The following TJP2 variants were observed in gnomAD, a reference collection of about 807,000 sequenced individuals.
TJP2 encodes the protein Friedreich ataxia region gene X104 (tight junction protein ZO-2).
TJP2 carries 91 observed loss-of-function variants against 133.1 expected under a neutral mutation model. The ratio of observed to expected loss-of-function variants is 0.68; its 90% confidence interval spans 0.58 to 0.81. TJP2 has a LOEUF of 0.81. Among genes scored for constraint, TJP2 ranks in the 40% least tolerant of loss-of-function variants. The pLI is 0.00. For missense variants in TJP2, 1,541 were observed against 1,565.6 expected (o/e 0.98, Z 0.26); for synonymous variants, 592 against 583.4 (o/e 1.01, Z -0.21).
At chr9:69,135,870 T>C (rs1254213355) in intron 1 of TJP2, among the ~76,000 whole-genome samples, 1 of 152,184 alleles carries the variant, frequency 6.6e-6, no homozygotes, top group Non-Finnish European at 1.5e-5. Context: ...CCTCCCGAAG[T>C]GCTGAGATTA....
At chr9:69,200,873 G>A (rs1826937037) in intron 1 of TJP2, among the ~76,000 whole-genome samples, 1 of 152,090 alleles carries the variant, frequency 6.6e-6, no homozygotes, top group African/African-American at 2.4e-5. Flanking sequence ...ATTCTTCCCA[G>A]TCTGCCATCC....
intron 1 of TJP2, among the ~76,000 whole-genome samples, chr9:69,137,888 C>T (rs1242499960): frequency 1.3e-5 from 2 of 152,178 alleles, no homozygotes; most frequent in South Asian, 2.1e-4. Context: ...CATTTCCTCT[C>T]TCCAGAAGAC....
intron 1 of TJP2, chr9:69,205,444 C>G (rs1440318171): frequency 1.0e-6 from 1 of 1,004,238 alleles, no homozygotes; most frequent in African/African-American, 1.6e-5. Context: ...CTATGTGAAA[C>G]TGATAGCCTC....
At chr9:69,205,867 A>G (rs1827360164) in intron 1 of TJP2, among the ~76,000 whole-genome samples, 1 of 152,184 alleles carries the variant, frequency 6.6e-6, no homozygotes, top group Non-Finnish European at 1.5e-5. Context: ...TGGGCAGTGA[A>G]CACTTCGGTA....
chr9:69,179,469 C>T (rs1230436514), intron 1 of TJP2, among the ~76,000 whole-genome samples: 1 of 151,706 alleles, frequency 6.6e-6, no homozygotes, highest in Non-Finnish European at 1.5e-5. Context: ...GGTGCAGTAA[C>T]AGCGGTGGTG....
At chr9:69,167,865 C>CAAAA (rs33986127) in intron 2 of TJP2, among the ~76,000 whole-genome samples, 4 of 128,952 alleles carry the variant, frequency 3.1e-5, no homozygotes, top group Non-Finnish European at 1.6e-5. Context: ...GAGAGTCTGT[C>CAAAA]AAAAAAAAAA....
At chr9:69,219,761 A>G (rs1429979216) in intron 4 of TJP2, among the ~76,000 whole-genome samples, 6 of 152,196 alleles carry the variant, frequency 3.9e-5, no homozygotes, top group African/African-American at 1.2e-4. Context: ...TTCCCTATCC[A>G]GGATCCAAAG....
intron 17 of TJP2, among the ~76,000 whole-genome samples, chr9:69,243,895 TAG>T (rs1830736575): frequency 6.8e-6 from 1 of 146,790 alleles, no homozygotes; most frequent in African/African-American, 2.5e-5. Context: ...TGAAAGTATA[TAG>T]TTCAGCTGGG....
intron 19 of TJP2, chr9:69,248,826 A>G: frequency 1.0e-6 from 1 of 994,486 alleles, no homozygotes; most frequent in South Asian, 4.5e-5. Context: ...GTTAGCAATT[A>G]TTAGTTGCAC....
At position 69,167,880 on chromosome 9, in the gene TJP2, A is replaced by G. The variant is rs531634944; in HGVS notation, c.-10+16109A>G. ...GAGAGTCTGTCAAAAAAAAAAAAAA[A>G]AAGAAGAAGAAGAAGAATGTCTGCG... On this transcript the variant is annotated intron_variant, in intron 2 of 5. Transcript: ENST00000423935. Among the ~76,000 whole-genome samples the G allele has an allele frequency of 3.4e-3, 518 of 150,270 alleles. 2 individuals are homozygous for G. The highest frequency in any genetic ancestry group is 0.01 in the African/African-American group (409 of 40,020).
intron 4 of TJP2, among the ~76,000 whole-genome samples, chr9:69,218,970 ATT>A (rs749157849): frequency 3.9e-4 from 23 of 59,710 alleles, no homozygotes; most frequent in Admixed American, 5.2e-4. Flanking sequence ...GTGTGTGTGT[ATT>A]TTTTTTTTTT....
At chr9:69,192,277 G>A (rs1042809244) in intron 1 of TJP2, among the ~76,000 whole-genome samples, 2 of 151,344 alleles carry the variant, frequency 1.3e-5, no homozygotes, top group East Asian at 2.0e-4. Flanking sequence ...GCAAGAACTT[G>A]TATCAAAAAA....
chr9:69,162,225 ATATT>A (rs1040460868), intron 2 of TJP2, among the ~76,000 whole-genome samples: 8 of 149,050 alleles, frequency 5.4e-5, no homozygotes, highest in Non-Finnish European at 8.9e-5. Flanking sequence ...TATAAGTTAA[ATATT>A]TATTAACTTT....
At chr9:69,162,495 TTTCA>T (rs1824135581) in intron 2 of TJP2, among the ~76,000 whole-genome samples, 1 of 152,198 alleles carries the variant, frequency 6.6e-6, no homozygotes, top group East Asian at 1.9e-4. Flanking sequence ...GAATCAGGAG[TTTCA>T]TTCATCTGAT....
chr9:69,166,638 C>T (rs1824372484), intron 2 of TJP2, among the ~76,000 whole-genome samples: 1 of 151,594 alleles, frequency 6.6e-6, no homozygotes, highest in African/African-American at 2.4e-5. Flanking sequence ...CCATTCCTGG[C>T]TAAGTTTTGT....
At chr9:69,212,518 C>T in intron 1 of TJP2, 30 bp from the exon 2 acceptor site, 1 of 1,574,324 alleles carries the variant, frequency 6.4e-7, no homozygotes, top group Non-Finnish European at 8.7e-7. Context: ...TTGTGGTTTT[C>T]ATCAGATTGG....
intron 6 of TJP2, among the ~76,000 whole-genome samples, chr9:69,225,700 G>C: frequency 6.6e-6 from 1 of 152,306 alleles, no homozygotes; most frequent in Non-Finnish European, 1.5e-5. Flanking sequence ...GAGAAGGAAA[G>C]TTGGTGATAT....
chr9:69,164,487 GTGAAGGGAGCTC>G (rs1290090127), intron 2 of TJP2, among the ~76,000 whole-genome samples: 1 of 152,082 alleles, frequency 6.6e-6, no homozygotes, highest in Non-Finnish European at 1.5e-5. Flanking sequence ...TATTTTGGGG[GTGAAGGGAGCTC>G]TGAAACTCAG....
At chr9:69,154,614 C>A (rs1823646307) in intron 2 of TJP2, among the ~76,000 whole-genome samples, 1 of 150,458 alleles carries the variant, frequency 6.6e-6, no homozygotes, top group Admixed American at 6.6e-5. Context: ...CATAGACCGA[C>A]CCTGTCTCCA....
Sources: gnomAD v4.1 joint callset for allele counts (sites outside exome capture counted in the v4.1 genomes callset) on GRCh38, gnomAD v4.1.1 for gene constraint, MANE v1.5 for transcripts, NCBI Gene and HGNC (gene_info 2026-07-23, HGNC 2026-07-21) for gene names.